The following DET1 variants were observed in gnomAD, a reference collection of about 807,000 sequenced individuals.
DET1 encodes DET1 homolog.
DET1 carries 22 observed loss-of-function variants against 43.7 expected under a neutral mutation model. The ratio of observed to expected loss-of-function variants is 0.50; its 90% confidence interval spans 0.36 to 0.72. The LOEUF is 0.72. Among genes scored for constraint, DET1 ranks in the 30% least tolerant of loss-of-function variants. The pLI is 0.00. For missense variants in DET1, 713 were observed against 713.3 expected (o/e 1.00, Z 0.00); for synonymous variants, 315 against 266.2 (o/e 1.18, Z -1.79).
chr15:88,545,621 T>C (rs1393643071), intron 1 of DET1, among the ~76,000 whole-genome samples: 1 of 150,004 alleles, frequency 6.7e-6, no homozygotes, highest in South Asian at 2.2e-4. Flanking sequence ...CTTAATTTTG[T>C]AAAACAATGC....
downstream of DET1, among the ~76,000 whole-genome samples, chr15:88,509,553 G>A (rs181554287): frequency 6.6e-6 from 1 of 152,308 alleles, no homozygotes; most frequent in East Asian, 1.9e-4. Context: ...TTTGCATGAA[G>A]GAGGCAGAAC....
intron 2 of DET1, among the ~76,000 whole-genome samples, chr15:88,529,768 G>T (rs1009107370): frequency 6.6e-6 from 1 of 152,214 alleles, no homozygotes; most frequent in African/African-American, 2.4e-5. Flanking sequence ...GGAGACATAG[G>T]TGTAGAAAGG....
downstream of DET1, among the ~76,000 whole-genome samples, chr15:88,508,398 G>A (rs2056164199): frequency 6.6e-6 from 1 of 152,116 alleles, no homozygotes; most frequent in Admixed American, 6.5e-5. Flanking sequence ...AATTCTGTGA[G>A]ACAATAAATT....
At position 88,519,441 on chromosome 15, in the gene DET1, C is replaced by G. The variant is rs558733990; in HGVS notation, c.1272-2468G>C. On this transcript the variant is annotated intron_variant, in intron 3 of 4. Coordinates refer to ENST00000268148, the MANE Select transcript of DET1 (RefSeq NM_001144074.3). ...ACACCCTCAACCTCACCATTACCAACGACTGCAAACCCTCTCTAGTCACAG... is the reference window on the plus strand; with the variant it reads ...ACACCCTCAACCTCACCATTACCAAGGACTGCAAACCCTCTCTAGTCACAG... 7.9e-5 allele frequency among the ~76,000 whole-genome samples: 12 copies of G among 152,280 alleles called. No homozygotes were observed. The East Asian group carries it at 2.3e-3, about 29-fold the overall frequency.
chr15:88,515,124 A>T (rs936169431), intron 4 of DET1, among the ~76,000 whole-genome samples: 1 of 152,236 alleles, frequency 6.6e-6, no homozygotes. Context: ...AATACAGTAA[A>T]TACTATCCCA....
At position 88,531,368 on chromosome 15, in the gene DET1, G is replaced by A; in HGVS notation, c.338C>T (p.Ser113Leu). The A allele has an allele frequency of 6.2e-7, 1 of 1,614,050 alleles. No individual in the cohort carries two copies. ...EILSNGNDQR[S>L]VNIRGRLFER... ...AAAGAGCCGGCCCCGGATATTCACT[G>A]ACCGCTGGTCATTGCCATTGGACAG... The change falls in exon 2 of 5, where the codon TCA becomes TTA. Residue 113 changes from serine (S) to leucine (L), a missense_variant. Physicochemically the swap from Ser to Leu is moderately radical, Grantham distance 145. Transcript: ENST00000268148. This position sits in a 1 kb window ranked among gnomAD's most constrained non-coding sequence, Gnocchi z 6.2.
chr15:88,507,860 C>A (rs1259931593), downstream of DET1, among the ~76,000 whole-genome samples: 1 of 152,216 alleles, frequency 6.6e-6, no homozygotes, highest in Non-Finnish European at 1.5e-5. Flanking sequence ...TGGACCAATA[C>A]CTGTCCACGG....
intron 3 of DET1, among the ~76,000 whole-genome samples, chr15:88,525,481 C>G (rs973406328): frequency 6.6e-6 from 1 of 152,184 alleles, no homozygotes; most frequent in Admixed American, 6.5e-5. Flanking sequence ...AGAGTTCCTT[C>G]TAATTCCTGG....
chr15:88,543,643 G>A (rs2057170629), intron 1 of DET1, among the ~76,000 whole-genome samples: 1 of 152,156 alleles, frequency 6.6e-6, no homozygotes, highest in South Asian at 2.1e-4. Context: ...TGTGTTGTGG[G>A]CTCAGGCTTT....
In DET1 at chr15:88,512,848, G is replaced by A. The variant is rs771173086; in HGVS notation, c.*103C>T. Reference sequence around the variant, plus strand: ...CTCCCATCTGAGGTATAGCAGGCTGGAACTAACAGAGCTAGTAGTCGGGAG... The same window carrying A: ...CTCCCATCTGAGGTATAGCAGGCTGAAACTAACAGAGCTAGTAGTCGGGAG... On this transcript the variant is annotated 3_prime_UTR_variant, in exon 5 of 5. Transcript: ENST00000268148. 9.3e-6 allele frequency: 14 copies of A among 1,512,838 alleles called. No homozygotes were observed. The African/African-American group carries it at 1.2e-4, about 13-fold the overall frequency. The allele number at this position is 1,512,838 out of a possible 1,614,324, so 93.7% of individuals were successfully genotyped here.
chr15:88,527,838 G>T, intron 2 of DET1, 52 bp from the exon 3 acceptor site: 1 of 1,351,496 alleles, frequency 7.4e-7, no homozygotes, highest in African/African-American at 1.5e-5. Context: ...AATGCCATGC[G>T]TAGGAAACTT....
At chr15:88,536,264 C>T (rs745466972) in intron 1 of DET1, 1 of 751,756 alleles carries the variant, frequency 1.3e-6, no homozygotes, top group Non-Finnish European at 2.5e-6. Flanking sequence ...ACTGATACAC[C>T]CTATATTATT....
chr15:88,539,465 A>T (rs891622405), intron 1 of DET1, among the ~76,000 whole-genome samples: 1 of 151,926 alleles, frequency 6.6e-6, no homozygotes, highest in African/African-American at 2.4e-5. Context: ...AAAAAAAAAA[A>T]AAAAAAGGAA....
At chr15:88,510,599 A>C (rs2056186939), downstream of DET1, among the ~76,000 whole-genome samples, 1 of 152,154 alleles carries the variant, frequency 6.6e-6, no homozygotes. Flanking sequence ...CTGACTTACA[A>C]GACTGCAAAA....
intron 3 of DET1, among the ~76,000 whole-genome samples, chr15:88,524,491 T>A (rs1447345313): frequency 6.6e-6 from 1 of 152,188 alleles, no homozygotes; most frequent in Non-Finnish European, 1.5e-5. Flanking sequence ...TGGGCCATGA[T>A]GACGATGGCG....
At chr15:88,532,554 A>G (rs1423343282) in intron 1 of DET1, among the ~76,000 whole-genome samples, 2 of 152,250 alleles carry the variant, frequency 1.3e-5, no homozygotes, top group African/African-American at 2.4e-5. Context: ...ATTTCAAAAT[A>G]TATTACAAAC....
intron 1 of DET1, among the ~76,000 whole-genome samples, chr15:88,545,879 CT>C (rs1289493967): frequency 6.6e-6 from 1 of 150,632 alleles, no homozygotes; most frequent in African/African-American, 2.5e-5. Flanking sequence ...ATGCAATTAA[CT>C]GATAAGATAC....
At chr15:88,514,558 G>C (rs2056289933) in intron 4 of DET1, among the ~76,000 whole-genome samples, 1 of 152,126 alleles carries the variant, frequency 6.6e-6, no homozygotes, top group Non-Finnish European at 1.5e-5. Context: ...AGTGATGGGG[G>C]AATAGTTAAA....
Position 88,537,476 on chromosome 15 carries a change from C to T in DET1, c.-10-5761G>A, listed in dbSNP as rs180896437. Among the ~76,000 whole-genome samples, 3 of 152,280 alleles carry T rather than the reference C, an allele frequency of 2.0e-5. No individual in the cohort carries two copies. The East Asian group carries it at 5.8e-4, about 29-fold the overall frequency. ...TTGATCTCCCAAAGTGCTAGGATTA[C>T]AGGCATGAGCTACCACACCTGACCC... is the stretch of plus-strand genomic sequence containing the variant. On this transcript the variant is annotated intron_variant, in intron 1 of 4. Coordinates refer to ENST00000268148, the MANE Select transcript of DET1 (RefSeq NM_001144074.3).
Sources: gnomAD v4.1 joint callset for allele counts (sites outside exome capture counted in the v4.1 genomes callset) on GRCh38, gnomAD v4.1.1 for gene constraint, Gnocchi (gnomAD v3.1) non-coding constraint, MANE v1.5 for transcripts, NCBI Gene and HGNC (gene_info 2026-07-23, HGNC 2026-07-21) for gene names.